PRCP: variants seen among roughly 807,000 people sequenced by gnomAD.
PRCP encodes lysosomal Pro-X carboxypeptidase.
A neutral mutation model predicts 54.2 loss-of-function variants in PRCP; 46 were observed. That is an observed-to-expected ratio of 0.85 (90% CI 0.67 to 1.09). The LOEUF (loss-of-function observed/expected upper bound fraction) is 1.09. PRCP is among the 50% of genes least tolerant of loss of function. The pLI, the probability that PRCP is intolerant of heterozygous loss-of-function variation, is 0.00. For missense variants in PRCP, 613 were observed against 596.8 expected (o/e 1.03, Z -0.28); for synonymous variants, 240 against 212.2 (o/e 1.13, Z -1.14).
At chr11:82,900,688 G>A, upstream of PRCP, 1 of 590,852 alleles carries the variant, frequency 1.7e-6, no homozygotes, top group Non-Finnish European at 3.2e-6. Flanking sequence ...CCCTTATCAT[G>A]CTAGGGCCTC....
chr11:82,861,540 T>G (rs915916580), intron 1 of PRCP, among the ~76,000 whole-genome samples: 1 of 152,160 alleles, frequency 6.6e-6, no homozygotes, highest in Non-Finnish European at 1.5e-5. Context: ...CACGCAGGGA[T>G]TATGTATCTC....
At chr11:82,862,854 A>G (rs1395974413) in intron 1 of PRCP, among the ~76,000 whole-genome samples, 4 of 152,214 alleles carry the variant, frequency 2.6e-5, no homozygotes, top group Admixed American at 6.5e-5. Context: ...TTGAATTCCT[A>G]TTTTGGGCCA....
chr11:82,887,472 A>G lies in PRCP; in HGVS notation c.168+12763T>C, dbSNP rs1202167381. Among the ~76,000 whole-genome samples, 4 of 152,328 alleles carry G rather than the reference A, an allele frequency of 2.6e-5. No homozygotes were observed. In the East Asian group the frequency reaches 7.7e-4, roughly 29 times the overall value. The stretch of plus-strand genomic sequence containing the variant: ...ATCAACTATCATAGAGTGATACTTC[A>G]TTGTTATCTGTTGGAGCTCAGAAAA... On this transcript the variant is annotated intron_variant, in intron 1 of 8. Coordinates refer to ENST00000313010, the MANE Select transcript of PRCP (RefSeq NM_005040.4).
Position 82,823,574 on chromosome 11 carries a change from C to T in PRCP, c.*1332G>A, listed in dbSNP as rs1361992055. ...AAAAAATGCCATAAAAATGATCAAG[C>T]TCAAGGTACAGTTTTTTAAAAGCAG... On this transcript the variant is annotated 3_prime_UTR_variant, in exon 9 of 9. Transcript: ENST00000313010. 3 of 151,470 alleles carry T rather than the reference C, an allele frequency of 2.0e-5. 1 individual carries two copies. Among genetic ancestry groups the T allele is most frequent in the Non-Finnish European group, 4.4e-5 (3 of 67,916 alleles). 9.4% of individuals were successfully genotyped at this position (151,470 alleles called of 1,614,324 possible). A position where few individuals can be genotyped will look rare whatever the true frequency, so the allele number is the denominator to read the frequency against.
upstream of PRCP, chr11:82,900,440 A>G (rs980933223): frequency 6.2e-7 from 1 of 1,602,198 alleles, no homozygotes; most frequent in Non-Finnish European, 8.5e-7. Context: ...TGGGAGGGCG[A>G]AAAGGAGGCC....
chr11:82,854,744 G>C (rs1167094566), intron 2 of PRCP, among the ~76,000 whole-genome samples: 1 of 152,104 alleles, frequency 6.6e-6, no homozygotes, highest in East Asian at 1.9e-4. Context: ...AACAAAGCCA[G>C]AGGCATCACA....
At chr11:82,864,482 T>C (rs1401108546) in intron 1 of PRCP, among the ~76,000 whole-genome samples, 1 of 152,246 alleles carries the variant, frequency 6.6e-6, no homozygotes, top group Non-Finnish European at 1.5e-5. Flanking sequence ...ACAAGGGCCT[T>C]AGAAACCATT....
At chr11:82,872,169 A>ATATATAGG (rs1343507444) in intron 1 of PRCP, among the ~76,000 whole-genome samples, 1 of 152,218 alleles carries the variant, frequency 6.6e-6, no homozygotes, top group Admixed American at 6.5e-5. Flanking sequence ...AAAACATACT[A>ATATATAGG]TATATAGGGT....
intron 8 of PRCP, among the ~76,000 whole-genome samples, chr11:82,837,718 T>C (rs1283038154): frequency 6.6e-6 from 1 of 152,146 alleles, no homozygotes; most frequent in African/African-American, 2.4e-5. Context: ...GAAGTCCCAG[T>C]CAGATACACA....
intron 8 of PRCP, chr11:82,826,635 G>C (rs1027996236): frequency 1.3e-5 from 2 of 152,072 alleles, no homozygotes; most frequent in African/African-American, 4.8e-5. Context: ...GTCTATTTTA[G>C]ACATCCTAAG....
At position 82,823,363 on chromosome 11, in the gene PRCP, C is replaced by T. The variant is rs1358031180; in HGVS notation, c.*1543G>A. 6.6e-6 allele frequency: 1 copy of T among 152,050 alleles called. No individual in the cohort carries two copies. Among genetic ancestry groups the T allele is most frequent in the Non-Finnish European group, 1.5e-5 (1 of 67,998 alleles). The allele number at this position is 152,050 out of a possible 1,614,324, so 9.4% of individuals were successfully genotyped here. A position where few individuals can be genotyped will look rare whatever the true frequency, so the allele number is the denominator to read the frequency against. On this transcript the variant is annotated 3_prime_UTR_variant, in exon 9 of 9. Transcript: ENST00000313010. ...TTGGCCCTTAAATTCCCACCCAAAT[C>T]GATTGTTCTGTGATGCTGAAACAAA...
Position 82,867,648 on chromosome 11 carries a change from A to T in PRCP, c.169-7531T>A, listed in dbSNP as rs553305640. On this transcript the variant is annotated intron_variant, in intron 1 of 8. Coordinates refer to ENST00000313010, the MANE Select transcript of PRCP (RefSeq NM_005040.4). ...GTGCTGCTGTAATCAAGCACTGCAT[A>T]TAAATTTTAGGAAATGACACACCAC... 9.2e-5 allele frequency among the ~76,000 whole-genome samples: 14 copies of T among 152,316 alleles called. No individual in the cohort carries two copies. The East Asian group carries it at 2.7e-3, about 29-fold the overall frequency.
intron 1 of PRCP, among the ~76,000 whole-genome samples, chr11:82,887,551 T>A (rs1859892050): frequency 6.6e-6 from 1 of 152,210 alleles, no homozygotes; most frequent in South Asian, 2.1e-4. Flanking sequence ...ATACTTACTG[T>A]TATCAAAGTA....
chr11:82,848,713 A>G (rs535015494), intron 6 of PRCP, among the ~76,000 whole-genome samples: 1 of 152,334 alleles, frequency 6.6e-6, no homozygotes, highest in East Asian at 1.9e-4. Context: ...ACAAAGATTA[A>G]ATACATTATA....
intron 8 of PRCP, chr11:82,825,623 G>GGAAAGAGAGGAAAGAA (rs1555011544): frequency 1.4e-4 from 16 of 117,790 alleles, no homozygotes; most frequent in African/African-American, 4.1e-4. Flanking sequence ...GGAAGAAGGG[G>GGAAAGAGAGGAAAGAA]GAAAGGGAGG....
intron 1 of PRCP, among the ~76,000 whole-genome samples, chr11:82,866,045 A>G (rs114311195): frequency 6.9e-4 from 105 of 152,340 alleles, no homozygotes; most frequent in African/African-American, 2.4e-3. Flanking sequence ...GCCACATCTT[A>G]TGAGTCAGAT....
chr11:82,850,500 G>A lies in PRCP; in HGVS notation c.417C>T (p.Ser139=). The A allele has an allele frequency of 6.4e-7, 1 of 1,559,514 alleles. No homozygotes were observed. The highest frequency in any genetic ancestry group is 8.7e-7 in the Non-Finnish European group (1 of 1,148,046). Reference sequence around the variant, plus strand: ...CTGATGTCAGGAAATTCAAGTGTCTGGAATCCTAAAGAAATATAACAAAGA... The same window carrying A: ...CTGATGTCAGGAAATTCAAGTGTCTAGAATCCTAAAGAAATATAACAAAGA... The part of the protein sequence containing the change: ...LPFGDNSFKD[S]RHLNFLTSEQ... Residue 139 remains serine, a synonymous_variant, in exon 4 of 9, where the codon TCC becomes TCT. Coordinates refer to ENST00000313010, the MANE Select transcript of PRCP (RefSeq NM_005040.4).
chr11:82,894,622 C>G (rs973982162), intron 1 of PRCP, among the ~76,000 whole-genome samples: 2 of 152,162 alleles, frequency 1.3e-5, no homozygotes, highest in Admixed American at 1.3e-4. Flanking sequence ...ATCCTAGAAC[C>G]CAAACTTTGA....
At chr11:82,843,894 T>C (rs879454300) in intron 6 of PRCP, among the ~76,000 whole-genome samples, 1 of 150,656 alleles carries the variant, frequency 6.6e-6, no homozygotes, top group Admixed American at 6.7e-5. Flanking sequence ...AAACCATGAA[T>C]GCAAGAAGCG....
Sources: gnomAD v4.1 joint callset for allele counts (sites outside exome capture counted in the v4.1 genomes callset) on GRCh38, gnomAD v4.1.1 for gene constraint, MANE v1.5 for transcripts, NCBI Gene and HGNC (gene_info 2026-07-23, HGNC 2026-07-21) for gene names.